The following PAPOLG variants were observed in gnomAD, a reference collection of about 807,000 sequenced individuals.
The protein encoded by PAPOLG is PAP-gamma.
A neutral mutation model predicts 99.0 loss-of-function variants in PAPOLG; 40 were observed. The ratio of observed to expected loss-of-function variants is 0.40; its 90% CI spans 0.31 to 0.53. The LOEUF (loss-of-function observed/expected upper bound fraction) is 0.53. Among genes scored for constraint, PAPOLG ranks in the 20% least tolerant of loss-of-function variants. The probability of loss-of-function intolerance (pLI) is 0.41; values close to 1 mark genes in which losing one functional copy is unlikely to be tolerated. For synonymous variants in PAPOLG, 310 were observed against 299.3 expected, an observed-to-expected ratio of 1.04 and a Z score of -0.37; for missense variants, 675 against 884.1, an observed-to-expected ratio of 0.76 and a Z score of 3.00.
chr2:60,799,917 A>C lies in PAPOLG; in HGVS notation c.*2757A>C, dbSNP rs1243726676. On this transcript the variant is annotated 3_prime_UTR_variant, in exon 22 of 22. Transcript: ENST00000238714. ...TGGGATTACAGGCGTGAACCACCGCACCCGGCCGTGTTTGTTTTCAAGTGT... is the reference window on the plus strand; with the variant it reads ...TGGGATTACAGGCGTGAACCACCGCCCCCGGCCGTGTTTGTTTTCAAGTGT... 3.3e-5 allele frequency: 5 copies of C among 152,012 alleles called. No individual in the cohort carries two copies. Among genetic ancestry groups the C allele is most frequent in the Non-Finnish European group, 7.4e-5 (5 of 67,982 alleles). The allele number at this position is 152,012 out of a possible 1,614,324, so 9.4% of individuals were successfully genotyped here.
chr2:60,768,702 T>C, intron 4 of PAPOLG, 79 bp from the exon 5 acceptor site: 1 of 1,371,968 alleles, frequency 7.3e-7, no homozygotes, highest in Non-Finnish European at 9.9e-7. Context: ...TACTTTCTTC[T>C]GTACATATGT....
intron 12 of PAPOLG, 120 bp from the exon 13 acceptor site, chr2:60,783,036 C>A: frequency 3.2e-6 from 3 of 949,476 alleles, no homozygotes; most frequent in Non-Finnish European, 4.5e-6. Context: ...TTTTCATAAA[C>A]TGTGTGCCTT....
At chr2:60,775,340 CT>C (rs1187674977) in intron 8 of PAPOLG, among the ~76,000 whole-genome samples, 10 of 152,170 alleles carry the variant, frequency 6.6e-5, no homozygotes, top group Middle Eastern at 3.2e-3. Flanking sequence ...AAAGCCCTGA[CT>C]TTTCATCTTA....
chr2:60,758,721 G>T (rs548763547), intron 1 of PAPOLG, among the ~76,000 whole-genome samples: 1 of 152,054 alleles, frequency 6.6e-6, no homozygotes, highest in Non-Finnish European at 1.5e-5. Context: ...GAGGCACCAC[G>T]CCCGGCCTCT....
intron 15 of PAPOLG, among the ~76,000 whole-genome samples, chr2:60,789,986 C>A (rs189800544): frequency 3.3e-4 from 50 of 152,212 alleles, no homozygotes; most frequent in African/African-American, 1.2e-3. Flanking sequence ...CCCAGCTATT[C>A]CAGAGGCTAA....
intron 8 of PAPOLG, among the ~76,000 whole-genome samples, chr2:60,779,201 T>C (rs1213443832): frequency 6.6e-6 from 1 of 152,234 alleles, no homozygotes; most frequent in Non-Finnish European, 1.5e-5. Flanking sequence ...TTATACTTGA[T>C]TTAAAAATAC....
Position 60,793,901 on chromosome 2 carries a change from G to A in PAPOLG, c.1769-70G>A, listed in dbSNP as rs928980623. On this transcript the variant is annotated intron_variant, in intron 18 of 21. Transcript: ENST00000238714. Reference sequence around the variant, plus strand: ...ACTGCAGCCTGGGTGATGGGAATGAGAGACCCTGTCTCAAGGAAAAAAAAA... The same window carrying A: ...ACTGCAGCCTGGGTGATGGGAATGAAAGACCCTGTCTCAAGGAAAAAAAAA... The A allele has an allele frequency of 2.0e-6, 3 of 1,499,898 alleles. No individual in the cohort carries two copies. The African/African-American group carries it at 4.2e-5, about 21-fold the overall frequency. The allele number at this position is 1,499,898 out of a possible 1,614,324, so 92.9% of individuals were successfully genotyped here. A position where few individuals can be genotyped will look rare whatever the true frequency, so the allele number is the denominator to read the frequency against.
At position 60,783,145 on chromosome 2, in the gene PAPOLG, A is replaced by G; in HGVS notation, c.1113-11A>G. The G allele has an allele frequency of 6.4e-7, 1 of 1,556,408 alleles. No homozygotes were observed. On this transcript the variant is annotated splice_polypyrimidine_tract_variant and intron_variant, in intron 12 of 21. Transcript: ENST00000238714. The stretch of plus-strand genomic sequence containing the variant: ...GGCTTTTTTTCCTGATTGTTGCTGA[A>G]AATTCTTCAGACATTATATAGTATT...
At position 60,756,387 on chromosome 2, in the gene PAPOLG, G is replaced by C. The variant is rs1421069282; in HGVS notation, c.-92G>C. Reference sequence around the variant, plus strand: ...GTGAGCGAGCAAGCGAGCTACTAGCGACCGGAGGAAAGTGAACAGGGGGAG... The same window carrying C: ...GTGAGCGAGCAAGCGAGCTACTAGCCACCGGAGGAAAGTGAACAGGGGGAG... On this transcript the variant is annotated 5_prime_UTR_variant, in exon 1 of 22. Coordinates refer to ENST00000238714, the MANE Select transcript of PAPOLG (RefSeq NM_022894.4). 35 of 1,557,656 alleles carry C rather than the reference G, an allele frequency of 2.2e-5. No individual in the cohort carries two copies. The East Asian group carries it at 7.7e-4, about 34-fold the overall frequency.
rs925850261 is a variant in PAPOLG, at chr2:60,783,980, A to G, written c.1166+771A>G. On this transcript the variant is annotated intron_variant, in intron 13 of 21. Coordinates refer to ENST00000238714, the MANE Select transcript of PAPOLG (RefSeq NM_022894.4). Reference sequence around the variant, plus strand: ...CTGAGTTTCTCTTTTCTTTGTTTTTATTTTTTATTTTGAGACGGAGTCTCG... The same window carrying G: ...CTGAGTTTCTCTTTTCTTTGTTTTTGTTTTTTATTTTGAGACGGAGTCTCG... 3.3e-5 allele frequency among the ~76,000 whole-genome samples: 5 copies of G among 151,556 alleles called. No homozygotes were observed. The South Asian group carries it at 1.0e-3, about 32-fold the overall frequency.
intron 6 of PAPOLG, 136 bp downstream of exon 6, chr2:60,770,647 G>A: frequency 1.8e-6 from 1 of 562,090 alleles, no homozygotes; most frequent in East Asian, 3.2e-5. Flanking sequence ...ATGAAGAGAT[G>A]GGGTCTAACT....
chr2:60,776,818 C>T (rs1282781914), intron 8 of PAPOLG, among the ~76,000 whole-genome samples: 1 of 152,192 alleles, frequency 6.6e-6, no homozygotes, highest in South Asian at 2.1e-4. Context: ...TCCTCTCTAG[C>T]TGTGAAAGTC....
intron 16 of PAPOLG, 94 bp downstream of exon 16, chr2:60,791,976 A>C: frequency 6.7e-7 from 1 of 1,489,326 alleles, no homozygotes; most frequent in Non-Finnish European, 9.1e-7. Flanking sequence ...CCTATTGAGA[A>C]AAATAAGGAA....
At chr2:60,783,279 A>G in intron 13 of PAPOLG, 70 bp downstream of exon 13, 1 of 839,034 alleles carries the variant, frequency 1.2e-6, no homozygotes, top group Non-Finnish European at 1.8e-6. Flanking sequence ...GTGCTTTACC[A>G]TTTATAAAGT....
rs377096561 is a variant in PAPOLG at position 60,769,740 on chromosome 2, T to G, written c.439-718T>G. ...TATAAGTACCCAGATGATAGCAGGTTTTTGTTTTTTTGTTTGTTTTTTTAA... is the reference window on the plus strand; with the variant it reads ...TATAAGTACCCAGATGATAGCAGGTGTTTGTTTTTTTGTTTGTTTTTTTAA... On this transcript the variant is annotated intron_variant, in intron 5 of 21. Transcript: ENST00000238714. Among the ~76,000 whole-genome samples the G allele has an allele frequency of 3.3e-5, 5 of 152,108 alleles. No homozygotes were observed. The East Asian group carries it at 9.6e-4, about 29-fold the overall frequency.
intron 15 of PAPOLG, among the ~76,000 whole-genome samples, chr2:60,788,377 A>AGTGGTGCGATCTCAGCTCACT (rs1378115225): frequency 1.3e-5 from 2 of 152,132 alleles, no homozygotes; most frequent in Non-Finnish European, 2.9e-5. Context: ...GCCGGACTGC[A>AGTGGTGCGATCTCAGCTCACT]GTGGTGCGAT....
intron 8 of PAPOLG, 50 bp downstream of exon 8, chr2:60,775,173 C>T (rs1458963069): frequency 6.4e-7 from 1 of 1,559,188 alleles, no homozygotes; most frequent in South Asian, 1.2e-5. Context: ...CTAATTTTCT[C>T]TTGCCAGTGA....
chr2:60,760,400 G>C (rs1270721687), intron 2 of PAPOLG, 105 bp downstream of exon 2: 2 of 1,127,130 alleles, frequency 1.8e-6, no homozygotes, highest in East Asian at 2.5e-5. Context: ...GTGCAGAAAT[G>C]ACAAAAAGAA....
At chr2:60,771,185 G>T (rs968009552) in intron 6 of PAPOLG, among the ~76,000 whole-genome samples, 1 of 152,054 alleles carries the variant, frequency 6.6e-6, no homozygotes, top group African/African-American at 2.4e-5. Flanking sequence ...TTGAATTTTC[G>T]TGGTATTTTA....
Sources: allele counts gnomAD v4.1 joint callset (sites outside exome capture counted in the v4.1 genomes callset), GRCh38; gene constraint gnomAD v4.1.1; transcripts MANE v1.5; gene names NCBI Gene and HGNC (gene_info 2026-07-23, HGNC 2026-07-21).